Variants in RIT2 observed in about 807,000 individuals in gnomAD.
The protein encoded by RIT2 is GTP-binding protein Rit2.
RIT2 carries 24 observed loss-of-function variants against 23.7 expected under a neutral mutation model. The observed-to-expected ratio is 1.01, with a 90% CI of 0.73 to 1.43. RIT2 has a LOEUF of 1.43. Ranked by LOEUF, RIT2 falls within the 40% of genes most tolerant of loss-of-function variation. The probability of loss-of-function intolerance (pLI) is 0.00; values close to 1 mark genes in which losing one functional copy is unlikely to be tolerated. For synonymous variants in RIT2, 107 were observed against 91.1 expected, an observed-to-expected ratio of 1.17 and a Z score of -0.99; for missense variants, 236 against 266.9, an observed-to-expected ratio of 0.88 and a Z score of 0.81.
At chr18:42,892,210 T>C (rs1349376540) in intron 4 of RIT2, among the ~76,000 whole-genome samples, 1 of 152,152 alleles carries the variant, frequency 6.6e-6, no homozygotes, top group Non-Finnish European at 1.5e-5. Context: ...CTACCTAGAG[T>C]ACTAATTCAG....
At chr18:43,096,668 A>G (rs1913561415) in intron 1 of RIT2, among the ~76,000 whole-genome samples, 1 of 151,932 alleles carries the variant, frequency 6.6e-6, no homozygotes, top group Admixed American at 6.6e-5. Context: ...GTGATTAAAT[A>G]TATTTAATAA....
At chr18:42,930,319 G>A (rs1048786772) in intron 3 of RIT2, among the ~76,000 whole-genome samples, 3 of 151,632 alleles carry the variant, frequency 2.0e-5, no homozygotes, top group African/African-American at 7.3e-5. Flanking sequence ...TCTGAAGTGA[G>A]GTTTCACAAA....
intron 1 of RIT2, among the ~76,000 whole-genome samples, chr18:43,058,587 T>TA (rs915678109): frequency 1.5e-4 from 23 of 152,204 alleles, no homozygotes; most frequent in Non-Finnish European, 2.5e-4. Context: ...TTCAAGTCTA[T>TA]AAAAAATAAC....
chr18:42,912,421 A>G (rs1908793165), intron 4 of RIT2, among the ~76,000 whole-genome samples: 1 of 151,902 alleles, frequency 6.6e-6, no homozygotes. Context: ...AATTTTAGCC[A>G]CTGCAATAAG....
chr18:42,755,004 T>G (rs1913128174), intron 4 of RIT2, among the ~76,000 whole-genome samples: 1 of 152,164 alleles, frequency 6.6e-6, no homozygotes, highest in African/African-American at 2.4e-5. Flanking sequence ...CTCAGGGAGT[T>G]GCTTAGACTG....
intron 1 of RIT2, among the ~76,000 whole-genome samples, chr18:43,073,280 G>A (rs1207931087): frequency 1.3e-5 from 2 of 152,106 alleles, no homozygotes; most frequent in Admixed American, 1.3e-4. Context: ...CGTTTATGTT[G>A]TTTGTTTTAT....
At chr18:42,961,043 T>A (rs1439485107) in intron 3 of RIT2, among the ~76,000 whole-genome samples, 1 of 152,182 alleles carries the variant, frequency 6.6e-6, no homozygotes, top group Non-Finnish European at 1.5e-5. Flanking sequence ...ATTAAGGATG[T>A]GGTGGCACAT....
At chr18:42,869,390 C>T (rs1370054128) in intron 4 of RIT2, among the ~76,000 whole-genome samples, 3 of 152,330 alleles carry the variant, frequency 2.0e-5, no homozygotes, top group Non-Finnish European at 4.4e-5. Flanking sequence ...TTCCAGGCCA[C>T]GGATCAGTAC....
At chr18:42,972,178 T>G (rs532059196) in intron 3 of RIT2, among the ~76,000 whole-genome samples, 2 of 152,044 alleles carry the variant, frequency 1.3e-5, no homozygotes, top group South Asian at 4.1e-4. Flanking sequence ...ATCTCTAGTT[T>G]CCACTGAAAA....
intron 4 of RIT2, among the ~76,000 whole-genome samples, chr18:42,759,603 T>G (rs1369649189): frequency 6.6e-6 from 1 of 151,420 alleles, no homozygotes; most frequent in East Asian, 1.9e-4. Flanking sequence ...AGGCTTGCAT[T>G]GAGATAGGGG....
intron 2 of RIT2, among the ~76,000 whole-genome samples, chr18:43,021,072 G>T (rs1161448927): frequency 3.9e-5 from 6 of 152,010 alleles, no homozygotes; most frequent in African/African-American, 1.4e-4. Flanking sequence ...AAAATGAAGA[G>T]ACAACCTGTT....
At chr18:42,806,640 G>T (rs771516910) in intron 4 of RIT2, among the ~76,000 whole-genome samples, 1 of 152,068 alleles carries the variant, frequency 6.6e-6, no homozygotes, top group Non-Finnish European at 1.5e-5. Context: ...GTAAATGTCC[G>T]CACAGTGAAA....
chr18:43,058,069 T>A (rs1912551263), intron 1 of RIT2, among the ~76,000 whole-genome samples: 1 of 152,128 alleles, frequency 6.6e-6, no homozygotes, highest in Non-Finnish European at 1.5e-5. Flanking sequence ...AAAGTGGTAA[T>A]TACACTAAGA....
At chr18:42,917,450 A>T (rs983294428) in intron 4 of RIT2, among the ~76,000 whole-genome samples, 1 of 152,064 alleles carries the variant, frequency 6.6e-6, no homozygotes, top group Non-Finnish European at 1.5e-5. Flanking sequence ...GTCACTTGCC[A>T]TCCTGTCAGT....
At chr18:42,836,938 C>T (rs1906621152) in intron 4 of RIT2, among the ~76,000 whole-genome samples, 1 of 152,010 alleles carries the variant, frequency 6.6e-6, no homozygotes, top group African/African-American at 2.4e-5. Flanking sequence ...TTACCAACAT[C>T]AGACAGACAC....
intron 3 of RIT2, among the ~76,000 whole-genome samples, chr18:42,934,653 TATG>T (rs1204557703): frequency 2.6e-5 from 4 of 152,344 alleles, no homozygotes; most frequent in South Asian, 2.1e-4. Flanking sequence ...ATTAACATCA[TATG>T]ATATCATATG....
At chr18:43,076,385 C>A (rs1913016718) in intron 1 of RIT2, among the ~76,000 whole-genome samples, 2 of 151,912 alleles carry the variant, frequency 1.3e-5, no homozygotes, top group South Asian at 4.2e-4. Context: ...TATTGAGCAT[C>A]TACTAAATGT....
At chr18:43,068,728 G>A (rs986446152) in intron 1 of RIT2, among the ~76,000 whole-genome samples, 1 of 152,082 alleles carries the variant, frequency 6.6e-6, no homozygotes, top group Non-Finnish European at 1.5e-5. Context: ...ATTACAATTG[G>A]TAAGGTAGTA....
chr18:43,069,249 G>GA (rs1912844366), intron 1 of RIT2, among the ~76,000 whole-genome samples: 1 of 151,722 alleles, frequency 6.6e-6, no homozygotes, highest in African/African-American at 2.4e-5. Context: ...TTTACCTAGG[G>GA]TGGCTGTGTT....
Sources: gnomAD v4.1 joint callset for allele counts (sites outside exome capture counted in the v4.1 genomes callset) on GRCh38, gnomAD v4.1.1 for gene constraint, MANE v1.5 for transcripts, NCBI Gene and HGNC (gene_info 2026-07-23, HGNC 2026-07-21) for gene names.